The following GSE1 variants were observed in gnomAD, a reference collection of about 807,000 sequenced individuals.
GSE1 encodes the protein Gse1 coiled-coil protein, also known as genetic suppressor element 1.
In GSE1, 32 loss-of-function variants were observed where a neutral mutation model predicts 112.6. That is an observed-to-expected ratio of 0.28 (90% CI 0.21 to 0.38). The LOEUF is 0.38. Ranked by LOEUF, GSE1 falls within the 10% of genes least tolerant of loss-of-function variation. The pLI, the probability that GSE1 is intolerant of heterozygous loss-of-function variation, is 1.00. For missense variants in GSE1, 2,348 were observed against 1,699.2 expected (o/e 1.38, Z -6.71); for synonymous variants, 1,115 against 735.6 (o/e 1.52, Z -8.35).
rs867723523 is a variant in GSE1, at chr16:85,412,636, C to T, written c.2464+54993C>T. ...TCCTCACTGTTACACTCAGGCCCCC[C>T]GGATAATCCTCACCGTTACACTCAG... is the stretch of plus-strand genomic sequence containing the variant. On this transcript the variant is annotated intron_variant, in intron 2 of 2. Coordinates refer to the GSE1 transcript ENST00000637419. Among the ~76,000 whole-genome samples, 18 of 9,512 alleles carry T rather than the reference C, an allele frequency of 1.9e-3. 1 individual carries two copies. The highest frequency in any genetic ancestry group is 1.9e-3 in the Non-Finnish European group (7 of 3,658). 6.2% of individuals were successfully genotyped at this position (9,512 alleles called of 152,430 possible).
At chr16:85,639,974 G>C (rs145328551) in intron 2 of GSE1, among the ~76,000 whole-genome samples, 172 of 152,314 alleles carry the variant, frequency 1.1e-3, no homozygotes, top group Non-Finnish European at 2.2e-3. Flanking sequence ...CTGGGAAACA[G>C]TTGGGGGCGA....
intron 1 of GSE1, among the ~76,000 whole-genome samples, chr16:85,175,515 G>A (rs1218505112): frequency 6.6e-6 from 1 of 152,364 alleles, no homozygotes; most frequent in South Asian, 2.1e-4. Flanking sequence ...AGCCGGCCTG[G>A]GTGAGAGCGC....
At chr16:85,599,200 A>T (rs1241574948) in intron 1 of GSE1, among the ~76,000 whole-genome samples, 1 of 152,234 alleles carries the variant, frequency 6.6e-6, no homozygotes, top group East Asian at 1.9e-4. Flanking sequence ...TAATAAACAC[A>T]TCTCGATATC....
chr16:85,488,690 G>A (rs554806887), intron 2 of GSE1, among the ~76,000 whole-genome samples: 3 of 152,298 alleles, frequency 2.0e-5, no homozygotes, highest in South Asian at 4.2e-4. Context: ...TTCGAAGGAT[G>A]TGCAGGAGTT....
At chr16:85,624,965 T>C (rs2048971825) in intron 1 of GSE1, among the ~76,000 whole-genome samples, 1 of 152,184 alleles carries the variant, frequency 6.6e-6, no homozygotes, top group Non-Finnish European at 1.5e-5. Context: ...TCTGCTTACG[T>C]AAAGGGAAGT....
chr16:85,361,329 AC>A, intron 2 of GSE1, among the ~76,000 whole-genome samples: 1 of 26,242 alleles, frequency 3.8e-5, no homozygotes, highest in Non-Finnish European at 6.6e-5. Context: ...CCACACACAA[AC>A]ACACACACAC....
rs557896342 is a variant in GSE1 at position 85,353,053 on chromosome 16, C to A, written c.2284-4410C>A. ...ACATGTTTAGCAGCTTACAGCCACA[C>A]ATGTTTATTATCACACAGTTCAACT... On this transcript the variant is annotated intron_variant, in intron 1 of 2. Coordinates refer to the GSE1 transcript ENST00000637419. Among the ~76,000 whole-genome samples, 225 of 152,382 alleles carry A rather than the reference C, an allele frequency of 1.5e-3. 1 individual carries two copies. Among genetic ancestry groups the A allele is most frequent in the Non-Finnish European group, 2.8e-3 (189 of 68,038 alleles).
chr16:85,179,007 A>T (rs2074526488), intron 1 of GSE1, among the ~76,000 whole-genome samples: 1 of 152,038 alleles, frequency 6.6e-6, no homozygotes, highest in Non-Finnish European at 1.5e-5. Flanking sequence ...TAATTGTGAT[A>T]CAATTCACAC....
chr16:85,572,604 C>A (rs991871899), intron 1 of GSE1, among the ~76,000 whole-genome samples: 1 of 152,156 alleles, frequency 6.6e-6, no homozygotes, highest in South Asian at 2.1e-4. Context: ...GTGTGCCTTG[C>A]CTTCTTTTCC....
At chr16:85,634,797 C>G (rs1010522379) in intron 2 of GSE1, among the ~76,000 whole-genome samples, 3 of 152,190 alleles carry the variant, frequency 2.0e-5, no homozygotes, top group Non-Finnish European at 4.4e-5. Flanking sequence ...CCCCCTTTGG[C>G]TCTGGCTCTG....
chr16:85,366,959 C>T (rs1347239581), intron 2 of GSE1, among the ~76,000 whole-genome samples: 1 of 152,128 alleles, frequency 6.6e-6, no homozygotes, highest in Non-Finnish European at 1.5e-5. Context: ...GTGGGGTGTC[C>T]CCGGGGCAGG....
chr16:85,395,188 T>C (rs971719271), intron 2 of GSE1, among the ~76,000 whole-genome samples: 1 of 152,096 alleles, frequency 6.6e-6, no homozygotes, highest in African/African-American at 2.4e-5. Flanking sequence ...TATTGGCTTC[T>C]CGAACGTTAC....
intron 10 of GSE1, 80 bp from the exon 11 acceptor site, chr16:85,663,264 C>A: frequency 6.6e-7 from 1 of 1,508,052 alleles, no homozygotes; most frequent in Non-Finnish European, 9.1e-7. Context: ...ACTTCGAGGA[C>A]CCCAGGAGGG....
At chr16:85,578,166 C>T (rs1045178575) in intron 1 of GSE1, among the ~76,000 whole-genome samples, 1 of 152,246 alleles carries the variant, frequency 6.6e-6, no homozygotes, top group Non-Finnish European at 1.5e-5. Context: ...CTCCCCAGGA[C>T]CCCCTGAGCC....
At chr16:85,488,585 A>C (rs2050913351) in intron 2 of GSE1, among the ~76,000 whole-genome samples, 1 of 151,444 alleles carries the variant, frequency 6.6e-6, no homozygotes, top group African/African-American at 2.4e-5. Context: ...CAGAGGCACC[A>C]GGCACTCAGG....
At chr16:85,500,968 G>C (rs1244343333) in intron 2 of GSE1, among the ~76,000 whole-genome samples, 1 of 148,072 alleles carries the variant, frequency 6.8e-6, no homozygotes, top group Non-Finnish European at 1.5e-5. Flanking sequence ...TGGGATTAAA[G>C]GCCCACCCTA....
chr16:85,430,808 C>G (rs373861223), intron 2 of GSE1, among the ~76,000 whole-genome samples: 4 of 152,290 alleles, frequency 2.6e-5, no homozygotes, highest in East Asian at 1.9e-4. Context: ...GGAGGTCCCC[C>G]CACTTAGCGG....
chr16:85,186,022 C>A (rs55810147), intron 1 of GSE1, among the ~76,000 whole-genome samples: 2 of 152,094 alleles, frequency 1.3e-5, no homozygotes, highest in Non-Finnish European at 2.9e-5. Flanking sequence ...TGGAAGCCAG[C>A]GCGAGAGACC....
intron 1 of GSE1, among the ~76,000 whole-genome samples, chr16:85,619,025 T>A (rs1194346211): frequency 6.6e-6 from 1 of 152,246 alleles, no homozygotes; most frequent in African/African-American, 2.4e-5. Context: ...TCCCTTGCGG[T>A]GTTGGGGGTG....
Sources: allele counts gnomAD v4.1 joint callset (sites outside exome capture counted in the v4.1 genomes callset), GRCh38; gene constraint gnomAD v4.1.1; transcripts MANE v1.5; gene names NCBI Gene and HGNC (gene_info 2026-07-23, HGNC 2026-07-21).